The following NOX4 variants were observed in gnomAD, a reference collection of about 807,000 sequenced individuals.
The protein encoded by NOX4 is kidney oxidase-1.
A neutral mutation model predicts 87.6 loss-of-function variants in NOX4; 69 were observed. The observed-to-expected ratio is 0.79, with a 90% CI of 0.65 to 0.96. The LOEUF (loss-of-function observed/expected upper bound fraction) is 0.96. Among genes scored for constraint, NOX4 ranks in the 40% least tolerant of loss-of-function variants. The pLI, the probability that NOX4 is intolerant of heterozygous loss-of-function variation, is 0.00. For missense variants in NOX4, 680 were observed against 681.5 expected (o/e 1.00, Z 0.02); for synonymous variants, 275 against 238.2 (o/e 1.15, Z -1.42).
Position 89,488,302 on chromosome 11 carries a change from T to G in NOX4, c.153+2156A>C, listed in dbSNP as rs572466541. 3.9e-5 allele frequency among the ~76,000 whole-genome samples: 6 copies of G among 152,108 alleles called. 1 individual carries two copies. In the South Asian group the frequency reaches 1.2e-3, roughly 32 times the overall value. ...CTTCATTCCCTTGATCAATATTTAT[T>G]GAGCCCTATGTGTCAGCAGTCCTTG... On this transcript the variant is annotated intron_variant, in intron 2 of 17. Transcript: ENST00000263317.
chr11:89,455,760 G>C (rs1365829056), intron 2 of NOX4, among the ~76,000 whole-genome samples: 1 of 145,056 alleles, frequency 6.9e-6, no homozygotes, highest in Non-Finnish European at 1.5e-5. Context: ...CAAAAAGCAG[G>C]CACTTCAAGA....
intron 7 of NOX4, among the ~76,000 whole-genome samples, chr11:89,431,108 A>G (rs1037768928): frequency 1.2e-4 from 18 of 152,080 alleles, no homozygotes; most frequent in African/African-American, 3.1e-4. Context: ...ATGGGGAAAG[A>G]ATTCCCTATT....
chr11:89,343,313 C>T (rs12287889), intron 13 of NOX4, among the ~76,000 whole-genome samples: 10,606 of 152,108 alleles, frequency 0.07, 620 homozygotes, highest in African/African-American at 0.15. Flanking sequence ...ATTTTATTAA[C>T]GGTATCAATG....
chr11:89,529,710 T>C, the NOX4 span, among the ~76,000 whole-genome samples: 6 of 152,244 alleles, frequency 3.9e-5, no homozygotes, highest in African/African-American at 1.4e-4. Context: ...CCAAAGGAGA[T>C]ACACAAATTC....
chr11:89,353,927 G>A (rs1217265237), intron 13 of NOX4, among the ~76,000 whole-genome samples: 1 of 152,028 alleles, frequency 6.6e-6, no homozygotes, highest in Non-Finnish European at 1.5e-5. Flanking sequence ...TGTTATCAGG[G>A]GATTGCAAGT....
chr11:89,366,905 G>A (rs998092056), intron 12 of NOX4, among the ~76,000 whole-genome samples: 11 of 151,898 alleles, frequency 7.2e-5, no homozygotes, highest in African/African-American at 1.9e-4. Flanking sequence ...TATATTTAAC[G>A]TTCATAAAAT....
chr11:89,477,607 C>A (rs770500984), intron 2 of NOX4, among the ~76,000 whole-genome samples: 7 of 152,030 alleles, frequency 4.6e-5, no homozygotes, highest in Non-Finnish European at 8.8e-5. Context: ...CTGGCACAGA[C>A]CCATGAGGAT....
chr11:89,347,452 A>G (rs556183641), intron 13 of NOX4, among the ~76,000 whole-genome samples: 35 of 152,358 alleles, frequency 2.3e-4, no homozygotes, highest in South Asian at 1.4e-3. Context: ...TGCTTTTTAT[A>G]ATTTTATTTA....
rs559477673 is a variant in NOX4, at chr11:89,420,824, G to A, written c.629+1078C>T. Among the ~76,000 whole-genome samples, 7 of 152,132 alleles carry A rather than the reference G, an allele frequency of 4.6e-5. No individual in the cohort carries two copies. The East Asian group carries it at 9.7e-4, about 21-fold the overall frequency. ...GTTACCAGCAACATTGTTTATTATC[G>A]GTGAAATGCATCTGGACAGAAAGGA... On this transcript the variant is annotated intron_variant, in intron 8 of 17. Coordinates refer to ENST00000263317, the MANE Select transcript of NOX4 (RefSeq NM_016931.5).
At chr11:89,421,214 C>T (rs541655134) in intron 8 of NOX4, among the ~76,000 whole-genome samples, 1 of 152,292 alleles carries the variant, frequency 6.6e-6, no homozygotes, top group East Asian at 1.9e-4. Context: ...AATGTCACGC[C>T]AAAGCCATCA....
At chr11:89,569,579 C>T in the NOX4 span, among the ~76,000 whole-genome samples, 31 of 152,228 alleles carry the variant, frequency 2.0e-4, no homozygotes, top group African/African-American at 6.7e-4. Context: ...AAATGGAATG[C>T]TTATACACTG....
intron 2 of NOX4, among the ~76,000 whole-genome samples, chr11:89,484,958 C>G (rs1365291749): frequency 1.3e-5 from 2 of 152,084 alleles, no homozygotes; most frequent in Non-Finnish European, 2.9e-5. Context: ...TAACAGGGAT[C>G]ATATATTCAT....
At chr11:89,382,362 G>A (rs578051548) in intron 11 of NOX4, among the ~76,000 whole-genome samples, 5 of 151,934 alleles carry the variant, frequency 3.3e-5, no homozygotes, top group African/African-American at 9.7e-5. Context: ...ATACAAACTC[G>A]ACAATAGTTC....
intron 17 of NOX4, among the ~76,000 whole-genome samples, chr11:89,333,519 G>A (rs548953795): frequency 3.2e-4 from 49 of 151,856 alleles, no homozygotes; most frequent in African/African-American, 1.1e-3. Context: ...AGGGTTTAAT[G>A]CAATTTAAAT....
At chr11:89,570,749 C>G in the NOX4 span, among the ~76,000 whole-genome samples, 2 of 152,056 alleles carry the variant, frequency 1.3e-5, no homozygotes, top group Non-Finnish European at 2.9e-5. Flanking sequence ...TCACTGGAGC[C>G]TAGGAGGTTG....
At chr11:89,540,041 T>C in the NOX4 span, among the ~76,000 whole-genome samples, 1 of 152,150 alleles carries the variant, frequency 6.6e-6, no homozygotes, top group Non-Finnish European at 1.5e-5. Flanking sequence ...AAGAACAGAT[T>C]AGGCACCTCA....
chr11:89,475,657 G>A (rs894306820), intron 2 of NOX4, among the ~76,000 whole-genome samples: 3 of 152,036 alleles, frequency 2.0e-5, no homozygotes, highest in Non-Finnish European at 2.9e-5. Flanking sequence ...GAGATGGAAC[G>A]GGATAGGACA....
chr11:89,374,370 A>T (rs1939676683), intron 11 of NOX4, among the ~76,000 whole-genome samples: 1 of 152,186 alleles, frequency 6.6e-6, no homozygotes, highest in African/African-American at 2.4e-5. Flanking sequence ...ATTAAGTACG[A>T]TATGAAATAT....
At chr11:89,428,484 G>GAC (rs138392164) in intron 7 of NOX4, among the ~76,000 whole-genome samples, 4 of 151,348 alleles carry the variant, frequency 2.6e-5, no homozygotes, top group Non-Finnish European at 5.9e-5. Flanking sequence ...CTCACATGCA[G>GAC]ACACACATAG....
Sources: allele counts gnomAD v4.1 joint callset (sites outside exome capture counted in the v4.1 genomes callset), GRCh38; gene constraint gnomAD v4.1.1; transcripts MANE v1.5; gene names NCBI Gene and HGNC (gene_info 2026-07-23, HGNC 2026-07-21).